ZNF704: variants seen among roughly 807,000 people sequenced by gnomAD.
ZNF704 encodes glucocorticoid induced gene 1.
ZNF704 carries 10 observed loss-of-function variants against 44.7 expected under a neutral mutation model. The ratio of observed to expected loss-of-function variants is 0.22; its 90% CI spans 0.14 to 0.38. The LOEUF (loss-of-function observed/expected upper bound fraction) is 0.38, where lower values mean the gene tolerates loss of function less well. Among genes scored for constraint, ZNF704 ranks in the 10% least tolerant of loss-of-function variants. The pLI, the probability that ZNF704 is intolerant of heterozygous loss-of-function variation, is 1.00. For synonymous variants in ZNF704, 211 were observed against 207.6 expected, an observed-to-expected ratio of 1.02 and a Z score of -0.14; for missense variants, 390 against 545.5, an observed-to-expected ratio of 0.71 and a Z score of 2.84.
At chr8:80,718,541 C>G (rs1184803587) in intron 2 of ZNF704, among the ~76,000 whole-genome samples, 1 of 152,132 alleles carries the variant, frequency 6.6e-6, no homozygotes, top group African/African-American at 2.4e-5. Flanking sequence ...CATGGAGCAT[C>G]ACATGTTTCT....
Position 80,685,127 on chromosome 8 carries a change from T to C in ZNF704, c.558+2099A>G, listed in dbSNP as rs180986766. On this transcript the variant is annotated intron_variant, in intron 4 of 8. Coordinates refer to ENST00000327835, the MANE Select transcript of ZNF704 (RefSeq NM_001033723.3). The stretch of plus-strand genomic sequence containing the variant: ...CTGGAGTGGGCCTGTGCTCATCCAA[T>C]AAAAATAAATATATATAATAAAAAA... Among the ~76,000 whole-genome samples the C allele has an allele frequency of 7.2e-3, 1,079 of 149,990 alleles. 8 individuals carry two copies. Among genetic ancestry groups the C allele is most frequent in the Non-Finnish European group, 0.011 (720 of 67,930 alleles).
intron 2 of ZNF704, among the ~76,000 whole-genome samples, chr8:80,715,419 C>G (rs996522376): frequency 1.6e-4 from 25 of 152,208 alleles, no homozygotes; most frequent in African/African-American, 5.8e-4. Flanking sequence ...ACAATATTCC[C>G]TGGCAGCAAC....
At chr8:80,645,586 C>T (rs1439219388) in intron 7 of ZNF704, among the ~76,000 whole-genome samples, 1 of 152,000 alleles carries the variant, frequency 6.6e-6, no homozygotes, top group Non-Finnish European at 1.5e-5. Flanking sequence ...ACCTCTCACT[C>T]TTGAGTTTAC....
chr8:80,773,645 T>C (rs966472312), intron 2 of ZNF704, among the ~76,000 whole-genome samples: 1 of 152,232 alleles, frequency 6.6e-6, no homozygotes, highest in African/African-American at 2.4e-5. Context: ...TTTTCCTTCA[T>C]CTGAGAATGT....
At chr8:80,822,324 A>T (rs1289934111) in intron 1 of ZNF704, among the ~76,000 whole-genome samples, 15 of 132,498 alleles carry the variant, frequency 1.1e-4, no homozygotes, top group African/African-American at 4.0e-4. Flanking sequence ...CCCTGTGTCC[A>T]AGTGTTCTCA....
intron 1 of ZNF704, among the ~76,000 whole-genome samples, chr8:80,851,101 C>T (rs1043864714): frequency 6.6e-5 from 10 of 152,138 alleles, no homozygotes; most frequent in Admixed American, 2.6e-4. Context: ...CTTGTACGCA[C>T]GTTACTGCTT....
intron 1 of ZNF704, among the ~76,000 whole-genome samples, chr8:80,873,017 A>G (rs1055576574): frequency 1.3e-5 from 2 of 152,152 alleles, no homozygotes; most frequent in African/African-American, 2.4e-5. Context: ...GTTCTCTCAC[A>G]AGCGCCTGTG....
chr8:80,741,311 C>A (rs1017454258), intron 2 of ZNF704, among the ~76,000 whole-genome samples: 10 of 152,116 alleles, frequency 6.6e-5, no homozygotes, highest in Non-Finnish European at 1.3e-4. Flanking sequence ...AGCTTGCCAA[C>A]GGGGCAAGAC....
At chr8:80,642,570 TA>T (rs1027217806) in intron 8 of ZNF704, among the ~76,000 whole-genome samples, 1 of 152,214 alleles carries the variant, frequency 6.6e-6, no homozygotes, top group Non-Finnish European at 1.5e-5. Flanking sequence ...ATGAATCATT[TA>T]TTTCTGGAAT....
intron 1 of ZNF704, among the ~76,000 whole-genome samples, chr8:80,864,736 C>T (rs1016294074): frequency 6.6e-5 from 10 of 152,186 alleles, no homozygotes; most frequent in African/African-American, 1.9e-4. Context: ...CACCAACGCA[C>T]AGGAGGGTGG....
rs1282598849 is a variant in ZNF704, at chr8:80,651,552, G to C, written c.1032+8033C>G. On this transcript the variant is annotated intron_variant, in intron 7 of 8. Coordinates refer to ENST00000327835, the MANE Select transcript of ZNF704 (RefSeq NM_001033723.3). ...ATAAAACAGACTTTAAACCAACAAA[G>C]ATCAAAAGAGACAAAGAAGGCCATT... Among the ~76,000 whole-genome samples, 3 of 152,124 alleles carry C rather than the reference G, an allele frequency of 2.0e-5. No individual in the cohort carries two copies. In the South Asian group the frequency reaches 6.2e-4, roughly 32 times the overall value.
At chr8:80,757,350 T>A (rs1045073140) in intron 2 of ZNF704, among the ~76,000 whole-genome samples, 1 of 152,112 alleles carries the variant, frequency 6.6e-6, no homozygotes, top group Admixed American at 6.5e-5. Context: ...AAATTAAAAA[T>A]TTTAAAAATG....
At chr8:80,759,139 G>T (rs570554580) in intron 2 of ZNF704, among the ~76,000 whole-genome samples, 1 of 152,292 alleles carries the variant, frequency 6.6e-6, no homozygotes, top group African/African-American at 2.4e-5. Flanking sequence ...AATGCAAGGA[G>T]TAGAAACATG....
intron 2 of ZNF704, among the ~76,000 whole-genome samples, chr8:80,739,440 C>G (rs1397070186): frequency 6.6e-6 from 1 of 151,304 alleles, no homozygotes; most frequent in Admixed American, 6.6e-5. Context: ...ATGGAAGCAG[C>G]CCAAAGGAAA....
chr8:80,807,406 C>T (rs1402796313), intron 2 of ZNF704, among the ~76,000 whole-genome samples: 1 of 151,910 alleles, frequency 6.6e-6, no homozygotes, highest in Non-Finnish European at 1.5e-5. Flanking sequence ...AGATTCTTAC[C>T]CAGTGAAAAG....
intron 7 of ZNF704, among the ~76,000 whole-genome samples, chr8:80,654,370 C>A (rs565053584): frequency 6.6e-6 from 1 of 151,992 alleles, no homozygotes; most frequent in Admixed American, 6.6e-5. Context: ...AGCTTCTGCA[C>A]AGCAAAAGAA....
intron 2 of ZNF704, among the ~76,000 whole-genome samples, chr8:80,766,131 C>A (rs1469612621): frequency 6.6e-6 from 1 of 152,028 alleles, no homozygotes; most frequent in Non-Finnish European, 1.5e-5. Flanking sequence ...TTATATTATT[C>A]TAGTGGGTCT....
At chr8:80,772,591 C>T (rs1446369201) in intron 2 of ZNF704, among the ~76,000 whole-genome samples, 1 of 152,006 alleles carries the variant, frequency 6.6e-6, no homozygotes, top group African/African-American at 2.4e-5. Flanking sequence ...GGGGATGGTG[C>T]TAAACCATCA....
At chr8:80,808,401 GC>G (rs1808025912) in intron 2 of ZNF704, among the ~76,000 whole-genome samples, 1 of 152,154 alleles carries the variant, frequency 6.6e-6, no homozygotes. Flanking sequence ...ATCACAAAGT[GC>G]ATCTCTTTTT....
Sources: allele counts gnomAD v4.1 joint callset (sites outside exome capture counted in the v4.1 genomes callset), GRCh38; gene constraint gnomAD v4.1.1; transcripts MANE v1.5; gene names NCBI Gene and HGNC (gene_info 2026-07-23, HGNC 2026-07-21).